PPP2R3A: variants seen among roughly 807,000 people sequenced by gnomAD.
PPP2R3A encodes the protein protein phosphatase 2 regulatory subunit B''alpha.
A neutral mutation model predicts 106.9 loss-of-function variants in PPP2R3A; 80 were observed. The ratio of observed to expected loss-of-function variants is 0.75; its 90% confidence interval spans 0.62 to 0.90. The LOEUF is 0.90. Ranked by LOEUF, PPP2R3A falls within the 40% of genes least tolerant of loss-of-function variation. The probability of loss-of-function intolerance (pLI) is 0.00; values close to 1 mark genes in which losing one functional copy is unlikely to be tolerated. For missense variants in PPP2R3A, 1,386 were observed against 1,350.4 expected (o/e 1.03, Z -0.41); for synonymous variants, 483 against 468.3 (o/e 1.03, Z -0.41).
At chr3:136,037,509 A>C (rs890186445) in intron 3 of PPP2R3A, among the ~76,000 whole-genome samples, 1 of 152,218 alleles carries the variant, frequency 6.6e-6, no homozygotes, top group Non-Finnish European at 1.5e-5. Flanking sequence ...GAACCATACA[A>C]AGCCCCGCAG....
chr3:136,050,452 C>A (rs1233670582), intron 5 of PPP2R3A, among the ~76,000 whole-genome samples: 1 of 152,168 alleles, frequency 6.6e-6, no homozygotes, highest in East Asian at 1.9e-4. Flanking sequence ...TGAGGTCTTA[C>A]ACGGTACCAA....
intron 5 of PPP2R3A, among the ~76,000 whole-genome samples, chr3:136,053,562 A>T (rs1229360669): frequency 6.6e-6 from 1 of 152,156 alleles, no homozygotes; most frequent in Non-Finnish European, 1.5e-5. Flanking sequence ...CACAACAATC[A>T]CTAGTTGACT....
chr3:136,090,640 C>G lies in PPP2R3A; in HGVS notation c.2900C>G (p.Ser967Cys). Reference sequence around the variant, plus strand: ...GCAGATTTTGTTTGGTTTTTGATCTCTGAAGAAGACAAAAGGAATCCTACC... The same window carrying G: ...GCAGATTTTGTTTGGTTTTTGATCTGTGAAGAAGACAAAAGGAATCCTACC... ...SYADFVWFLI[S>C]EEDKRNPTSI... The change falls in exon 10 of 14, where the codon TCT becomes TGT. Residue 967 changes from serine to cysteine, a missense_variant. Coordinates refer to ENST00000264977, the MANE Select transcript of PPP2R3A (RefSeq NM_002718.5). 6.2e-7 allele frequency: 1 copy of G among 1,613,290 alleles called. No individual in the cohort carries two copies. The highest frequency in any genetic ancestry group is 1.3e-5 in the African/African-American group (1 of 75,006).
chr3:136,115,341 C>T (rs1237793457), intron 13 of PPP2R3A, among the ~76,000 whole-genome samples: 2 of 152,102 alleles, frequency 1.3e-5, no homozygotes, highest in Non-Finnish European at 2.9e-5. Context: ...GGCCTCTTCT[C>T]CTCCAAAGGA....
At chr3:136,131,298 A>T (rs553453542) in intron 13 of PPP2R3A, among the ~76,000 whole-genome samples, 1 of 152,320 alleles carries the variant, frequency 6.6e-6, no homozygotes, top group South Asian at 2.1e-4. Context: ...AAAATCTACA[A>T]AGAACTCAAA....
At chr3:136,104,323 T>A (rs944321194) in intron 12 of PPP2R3A, among the ~76,000 whole-genome samples, 5 of 142,564 alleles carry the variant, frequency 3.5e-5, no homozygotes, top group Non-Finnish European at 6.2e-5. Flanking sequence ...TGTGTGTGTG[T>A]GTGACAGAGT....
At chr3:136,091,651 G>A (rs986370734) in intron 10 of PPP2R3A, among the ~76,000 whole-genome samples, 1 of 152,148 alleles carries the variant, frequency 6.6e-6, no homozygotes. Flanking sequence ...TTGTTTAGAA[G>A]ATGTTGAAAT....
intron 2 of PPP2R3A, among the ~76,000 whole-genome samples, chr3:136,013,557 A>G (rs1364100658): frequency 6.6e-6 from 1 of 152,040 alleles, no homozygotes; most frequent in Non-Finnish European, 1.5e-5. Context: ...TTGCAGGAGT[A>G]AGGTGGTATC....
At chr3:136,031,716 C>CA (rs1934897349) in intron 3 of PPP2R3A, among the ~76,000 whole-genome samples, 1 of 152,212 alleles carries the variant, frequency 6.6e-6, no homozygotes, top group African/African-American at 2.4e-5. Flanking sequence ...CATTCTCCTA[C>CA]ATGTGACTAG....
intron 6 of PPP2R3A, among the ~76,000 whole-genome samples, chr3:136,072,053 CT>C (rs2107910732): frequency 6.6e-6 from 1 of 152,196 alleles, no homozygotes; most frequent in South Asian, 2.1e-4. Flanking sequence ...CATTTTTCTT[CT>C]TAGCTCCTAT....
intron 13 of PPP2R3A, among the ~76,000 whole-genome samples, chr3:136,115,593 C>T (rs1036802601): frequency 2.0e-5 from 3 of 151,566 alleles, no homozygotes; most frequent in South Asian, 2.1e-4. Flanking sequence ...ACAAGAACCT[C>T]GTGAAGCATA....
Position 136,102,171 on chromosome 3 carries a change from C to T in PPP2R3A, c.3092C>T (p.Pro1031Leu). 1.2e-6 allele frequency: 2 copies of T among 1,612,956 alleles called. No individual in the cohort carries two copies. The highest frequency in any genetic ancestry group is 1.7e-6 in the Non-Finnish European group (2 of 1,179,940). Residue 1031 changes from proline to leucine, a missense_variant, in exon 11 of 14, where the codon CCA (proline) becomes CTA (leucine). Transcript: ENST00000264977. ...TGCCAGATGCTTGACCTAGTGAAGC[C>T]AGCTGTTGATGGTGAGACCAAGCAA... Reference protein sequence around the residue: ...LLCQMLDLVKPAVDGKITLRD... With the variant: ...LLCQMLDLVKLAVDGKITLRD...
At chr3:136,031,152 T>A (rs949455015) in intron 3 of PPP2R3A, among the ~76,000 whole-genome samples, 10 of 152,110 alleles carry the variant, frequency 6.6e-5, no homozygotes, top group Admixed American at 3.3e-4. Context: ...TTGTTTTGTT[T>A]TTTCAGGGGT....
In PPP2R3A at chr3:136,049,273, A is replaced by G. The variant is rs1447113141; in HGVS notation, c.2381A>G (p.His794Arg). The change falls in exon 5 of 14, where the codon CAT becomes CGT. Residue 794 changes from histidine (H) to arginine (R), a missense_variant. Physicochemically the swap from His to Arg is conservative, Grantham distance 29. Transcript: ENST00000264977. ...IAMWRKLLNN[H>R]HDDASKFICL... is the part of the protein sequence containing the mutation. ...TTCTTTTATAGGTTGCTGAATAACC[A>G]TCATGATGATGCCTCTAAATTCATC... 15 of 1,612,812 alleles carry G rather than the reference A, an allele frequency of 9.3e-6. No individual in the cohort carries two copies. Among genetic ancestry groups the G allele is most frequent in the East Asian group, 2.2e-5 (1 of 44,872 alleles).
intron 5 of PPP2R3A, among the ~76,000 whole-genome samples, chr3:136,056,324 G>C (rs1935858892): frequency 6.6e-6 from 1 of 152,178 alleles, no homozygotes; most frequent in Non-Finnish European, 1.5e-5. Flanking sequence ...TGTGAATAAA[G>C]TATGGACTTT....
chr3:135,982,452 G>T (rs940730009), intron 1 of PPP2R3A, among the ~76,000 whole-genome samples: 5 of 152,174 alleles, frequency 3.3e-5, no homozygotes, highest in Non-Finnish European at 7.3e-5. Flanking sequence ...GGCACTTGAG[G>T]CTGAATGGCG....
At chr3:135,977,944 G>A (rs1021597355) in intron 1 of PPP2R3A, among the ~76,000 whole-genome samples, 3 of 151,630 alleles carry the variant, frequency 2.0e-5, no homozygotes, top group African/African-American at 4.8e-5. Flanking sequence ...AAAGCTATCC[G>A]CCTGCCTCAG....
chr3:136,042,741 C>G (rs755333988), intron 4 of PPP2R3A, among the ~76,000 whole-genome samples: 38 of 152,224 alleles, frequency 2.5e-4, no homozygotes, highest in Non-Finnish European at 4.4e-4. Context: ...CAGAAAAATT[C>G]TATGAATAGA....
chr3:136,002,246 A>G lies in PPP2R3A; in HGVS notation c.748A>G (p.Ile250Val). 6.2e-7 allele frequency: 1 copy of G among 1,613,934 alleles called. No individual in the cohort carries two copies. Among genetic ancestry groups the G allele is most frequent in the Non-Finnish European group, 8.5e-7 (1 of 1,179,962 alleles). Residue 250 changes from isoleucine to valine, a missense_variant, in exon 2 of 14, where the codon ATA becomes GTA. Coordinates refer to ENST00000264977, the MANE Select transcript of PPP2R3A (RefSeq NM_002718.5). ...SEDLKKCTDI[I>V]KQCIKKKSGS... ...GGATTTAAAAAAATGCACAGACATC[A>G]TAAAACAATGCATAAAGAAAAAATC...
Sources: allele counts gnomAD v4.1 joint callset (sites outside exome capture counted in the v4.1 genomes callset), GRCh38; gene constraint gnomAD v4.1.1; transcripts MANE v1.5; gene names NCBI Gene and HGNC (gene_info 2026-07-23, HGNC 2026-07-21).